DPP10: variants seen among roughly 807,000 people sequenced by gnomAD.
DPP10 encodes dipeptidyl peptidase like 10.
A neutral mutation model predicts 120.9 loss-of-function variants in DPP10; 33 were observed. The observed-to-expected ratio is 0.27, with a 90% CI of 0.21 to 0.37. The LOEUF is 0.37. DPP10 is among the 10% of genes least tolerant of loss of function. The pLI, the probability that DPP10 is intolerant of heterozygous loss-of-function variation, is 1.00. For synonymous variants in DPP10, 337 were observed against 326.1 expected, an observed-to-expected ratio of 1.03 and a Z score of -0.36; for missense variants, 816 against 942.8, an observed-to-expected ratio of 0.87 and a Z score of 1.76.
chr2:115,105,495 A>G (rs1468012086), intron 1 of DPP10, among the ~76,000 whole-genome samples: 3 of 151,828 alleles, frequency 2.0e-5, no homozygotes, highest in African/African-American at 7.3e-5. Context: ...ATCAGATTTG[A>G]TGGTAACTAA....
At chr2:114,508,840 C>G (rs988340312) in intron 1 of DPP10, among the ~76,000 whole-genome samples, 1 of 152,084 alleles carries the variant, frequency 6.6e-6, no homozygotes, top group Non-Finnish European at 1.5e-5. Flanking sequence ...CTGCCTCAAA[C>G]TGGACCAAAT....
rs1418512744 is a variant in DPP10, at chr2:114,834,733, ACG to A, written c.60+391897_60+391898del. ...ACCTATGTATATATAAGCCATGTCT[ACG>A]CACCTATGTATATATAAGCCATGTC... On this transcript the variant is annotated intron_variant, in intron 1 of 25. Coordinates refer to ENST00000410059, the MANE Select transcript of DPP10 (RefSeq NM_020868.6). 7.4e-4 allele frequency among the ~76,000 whole-genome samples: 102 copies of A among 137,670 alleles called. 7 individuals are homozygous for A. Among genetic ancestry groups the A allele is most frequent in the South Asian group, 1.1e-3 (4 of 3,772 alleles). The allele number at this position is 137,670 out of a possible 152,430, so 90.3% of individuals were successfully genotyped here. A position where few individuals can be genotyped will look rare whatever the true frequency, so the allele number is the denominator to read the frequency against.
At chr2:115,568,516 T>C (rs1296980121) in intron 5 of DPP10, among the ~76,000 whole-genome samples, 2 of 151,800 alleles carry the variant, frequency 1.3e-5, no homozygotes, top group African/African-American at 4.8e-5. Flanking sequence ...TCTCAGTATA[T>C]TTTAATTTGT....
intron 3 of DPP10, among the ~76,000 whole-genome samples, chr2:115,458,940 A>T (rs962402681): frequency 6.6e-6 from 1 of 152,154 alleles, no homozygotes; most frequent in African/African-American, 2.4e-5. Context: ...TATTAACCTA[A>T]TTAAGGCACA....
intron 3 of DPP10, among the ~76,000 whole-genome samples, chr2:115,364,683 G>C (rs1169871133): frequency 6.9e-6 from 1 of 145,598 alleles, no homozygotes; most frequent in Non-Finnish European, 1.5e-5. Flanking sequence ...AGCAATGTTT[G>C]GATTCCATGT....
intron 1 of DPP10, among the ~76,000 whole-genome samples, chr2:114,933,047 T>C (rs1696197689): frequency 6.6e-6 from 1 of 152,210 alleles, no homozygotes. Context: ...CTTGAAGTTC[T>C]ATGTAATAGA....
chr2:114,810,868 T>C (rs1685115233), intron 1 of DPP10, among the ~76,000 whole-genome samples: 1 of 152,174 alleles, frequency 6.6e-6, no homozygotes, highest in Admixed American at 6.5e-5. Context: ...TAATCTTTAT[T>C]TATCAATGAA....
intron 1 of DPP10, among the ~76,000 whole-genome samples, chr2:115,037,974 T>A (rs1470062682): frequency 1.3e-5 from 2 of 152,196 alleles, no homozygotes; most frequent in Non-Finnish European, 2.9e-5. Flanking sequence ...AATCCTACCA[T>A]CACATATTAT....
chr2:114,449,192 G>A lies in DPP10; in HGVS notation c.60+6354G>A, dbSNP rs74609399. 8.4e-3 allele frequency among the ~76,000 whole-genome samples: 1,272 copies of A among 152,196 alleles called. 16 individuals carry two copies. Among genetic ancestry groups the A allele is most frequent in the African/African-American group, 0.029 (1,189 of 41,530 alleles). ...CTGTATCTGAAAATTGGCAAACAAT[G>A]GTAGGGAGGAATATCATCACATTAG... is the stretch of plus-strand genomic sequence containing the variant. On this transcript the variant is annotated intron_variant, in intron 1 of 25. Transcript: ENST00000410059.
At chr2:115,642,517 C>G (rs574990535) in intron 5 of DPP10, among the ~76,000 whole-genome samples, 4 of 152,124 alleles carry the variant, frequency 2.6e-5, no homozygotes, top group Non-Finnish European at 5.9e-5. Context: ...AGATTTTGGA[C>G]TCTGCAGTCT....
chr2:114,975,304 A>G (rs1699681389), intron 1 of DPP10, among the ~76,000 whole-genome samples: 1 of 152,188 alleles, frequency 6.6e-6, no homozygotes, highest in Admixed American at 6.5e-5. Flanking sequence ...TTGGCCTCCC[A>G]AAGTGCTGGG....
chr2:115,198,834 T>A (rs2055481343), intron 1 of DPP10, among the ~76,000 whole-genome samples: 1 of 152,170 alleles, frequency 6.6e-6, no homozygotes, highest in Admixed American at 6.5e-5. Flanking sequence ...AAGGAAAGCC[T>A]CTTCCAAATG....
At chr2:115,286,506 C>T (rs60873127) in intron 1 of DPP10, among the ~76,000 whole-genome samples, 2,594 of 30,178 alleles carry the variant, frequency 0.086, 134 homozygotes, top group East Asian at 0.25. Context: ...ATATATATTA[C>T]ATATATAATA....
chr2:115,572,553 T>C (rs1470753296), intron 5 of DPP10, among the ~76,000 whole-genome samples: 2 of 152,228 alleles, frequency 1.3e-5, no homozygotes, highest in African/African-American at 4.8e-5. Context: ...TTTATATCTG[T>C]TTCTACTCTA....
chr2:114,985,370 A>G (rs1700331591), intron 1 of DPP10, among the ~76,000 whole-genome samples: 1 of 152,050 alleles, frequency 6.6e-6, no homozygotes, highest in Non-Finnish European at 1.5e-5. Context: ...CTATCACATC[A>G]CCATATTTAT....
At chr2:115,838,782 G>GCACACACACACATAGGCA (rs1689791917) in intron 24 of DPP10, among the ~76,000 whole-genome samples, 1 of 151,880 alleles carries the variant, frequency 6.6e-6, no homozygotes, top group African/African-American at 2.4e-5. Context: ...ATGTGTGTGA[G>GCACACACACACATAGGCA]CACACACACA....
At chr2:115,647,824 T>C (rs1252023558) in intron 5 of DPP10, among the ~76,000 whole-genome samples, 2 of 152,116 alleles carry the variant, frequency 1.3e-5, no homozygotes, top group African/African-American at 2.4e-5. Flanking sequence ...ATTCCATTCA[T>C]GAGGCAACAG....
chr2:114,804,498 C>G (rs929837571), intron 1 of DPP10, among the ~76,000 whole-genome samples: 1 of 152,166 alleles, frequency 6.6e-6, no homozygotes, highest in African/African-American at 2.4e-5. Flanking sequence ...AGGAGGCAGG[C>G]AAAGCCACAG....
intron 1 of DPP10, among the ~76,000 whole-genome samples, chr2:115,259,112 C>A (rs887408925): frequency 2.0e-5 from 3 of 152,138 alleles, no homozygotes; most frequent in Non-Finnish European, 4.4e-5. Flanking sequence ...ACCTGAGGAT[C>A]ATTCTGTGAT....
Sources: gnomAD v4.1 joint callset for allele counts (sites outside exome capture counted in the v4.1 genomes callset) on GRCh38, gnomAD v4.1.1 for gene constraint, MANE v1.5 for transcripts, NCBI Gene and HGNC (gene_info 2026-07-23, HGNC 2026-07-21) for gene names.